MRM1: variants seen among roughly 807,000 people sequenced by gnomAD.
MRM1 encodes the protein rRNA methyltransferase 1, mitochondrial.
A neutral mutation model predicts 25.0 loss-of-function variants in MRM1; 24 were observed. The ratio of observed to expected loss-of-function variants is 0.96; its 90% CI spans 0.69 to 1.35. The LOEUF is 1.35. MRM1 is among the 40% of genes most tolerant of loss of function. MRM1 has a pLI of 0.00. For synonymous variants in MRM1, 188 were observed against 199.2 expected (o/e 0.94, Z 0.47); for missense variants, 431 against 464.1 (o/e 0.93, Z 0.65).
chr17:36,630,830 C>T, the MRM1 span, among the ~76,000 whole-genome samples: 3 of 152,090 alleles, frequency 2.0e-5, no homozygotes, highest in Non-Finnish European at 4.4e-5. Flanking sequence ...ATTTGGTTAA[C>T]AAATGTTCCA....
At position 36,608,447 on chromosome 17, in the gene MRM1, G is replaced by C. The variant is rs769102791; in HGVS notation, c.*32G>C. 7.0e-7 allele frequency: 1 copy of C among 1,435,700 alleles called. No homozygotes were observed. The highest frequency in any genetic ancestry group is 9.2e-7 in the Non-Finnish European group (1 of 1,088,806). The allele number at this position is 1,435,700 out of a possible 1,614,324, so 88.9% of individuals were successfully genotyped here. A position where few individuals can be genotyped will look rare whatever the true frequency, so the allele number is the denominator to read the frequency against. ...CTGTCCACAGTGTTCATGTGCTGGA[G>C]TCAGGGACGGCCGCACCTGCCTCCG... On this transcript the variant is annotated 3_prime_UTR_variant, in exon 5 of 5. Transcript: ENST00000614766.
chr17:36,608,002 C>G lies in MRM1; in HGVS notation c.873C>G (p.Asn291Lys). ...TGCCTCCTGGACTTGAGTCCTTGAA[C>G]GTCTCTGTGGCTGCAGGTGAGTCTA... ...RQLPPGLESL[N>K]VSVAAGILLH... Residue 291 changes from asparagine to lysine, a missense_variant, in exon 4 of 5, where the codon AAC becomes AAG. Asn to Lys is a moderately conservative substitution (Grantham distance 94). Coordinates refer to ENST00000614766, the MANE Select transcript of MRM1 (RefSeq NM_024864.5). 1 of 1,614,126 alleles carries G rather than the reference C, an allele frequency of 6.2e-7. No individual in the cohort carries two copies. The highest frequency in any genetic ancestry group is 8.5e-7 in the Non-Finnish European group (1 of 1,180,026).
At chr17:36,611,556 T>C (rs1355391151), downstream of MRM1, among the ~76,000 whole-genome samples, 2 of 152,202 alleles carry the variant, frequency 1.3e-5, no homozygotes, top group African/African-American at 2.4e-5. Context: ...CCCAGATGTT[T>C]GGTCAAACAT....
At position 36,601,804 on chromosome 17, in the gene MRM1, C is replaced by G. The variant is rs201847552; in HGVS notation, c.-7C>G. ...AGGGGCATCGAGTCCCTGGCGGGAG[C>G]TGCGCCATGGCATTGCTCTCGACCG... On this transcript the variant is annotated 5_prime_UTR_variant, in exon 1 of 5. Coordinates refer to ENST00000614766, the MANE Select transcript of MRM1 (RefSeq NM_024864.5). 6.5e-7 allele frequency: 1 copy of G among 1,529,332 alleles called. No individual in the cohort carries two copies. The highest frequency in any genetic ancestry group is 8.8e-7 in the Non-Finnish European group (1 of 1,140,292). The allele number at this position is 1,529,332 out of a possible 1,614,324, so 94.7% of individuals were successfully genotyped here.
chr17:36,614,081 C>G, the MRM1 span, among the ~76,000 whole-genome samples: 1 of 151,564 alleles, frequency 6.6e-6, no homozygotes, highest in Non-Finnish European at 1.5e-5. Flanking sequence ...GCGATGATGA[C>G]GATGACAATG....
At chr17:36,619,573 CAGG>C in the MRM1 span, among the ~76,000 whole-genome samples, 6 of 151,886 alleles carry the variant, frequency 4.0e-5, no homozygotes, top group Non-Finnish European at 7.4e-5. Flanking sequence ...AAAGCTGAGG[CAGG>C]AGAATTGCTT....
chr17:36,613,592 T>G (rs2074989937), downstream of MRM1, among the ~76,000 whole-genome samples: 1 of 152,094 alleles, frequency 6.6e-6, no homozygotes, highest in African/African-American at 2.4e-5. Flanking sequence ...TTCCCCGAGC[T>G]TCCTGGCCCC....
In MRM1 at chr17:36,608,232, T is replaced by C; in HGVS notation, c.890-11T>C. 6.4e-7 allele frequency: 1 copy of C among 1,553,142 alleles called. No individual in the cohort carries two copies. The highest frequency in any genetic ancestry group is 8.7e-7 in the Non-Finnish European group (1 of 1,148,588). ...TCCGTCCTCTCTTCCCTTGTCCTTGTGTCTGTGCAGGAATTCTTCTTCACT... is the reference window on the plus strand; with the variant it reads ...TCCGTCCTCTCTTCCCTTGTCCTTGCGTCTGTGCAGGAATTCTTCTTCACT... On this transcript the variant is annotated splice_polypyrimidine_tract_variant and intron_variant, in intron 4 of 4. Transcript: ENST00000614766.
At chr17:36,618,053 A>G in the MRM1 span, among the ~76,000 whole-genome samples, 1 of 152,078 alleles carries the variant, frequency 6.6e-6, no homozygotes, top group Non-Finnish European at 1.5e-5. Flanking sequence ...GTCCCAGTGG[A>G]GCAGCAGCTG....
chr17:36,632,676 G>A, the MRM1 span, among the ~76,000 whole-genome samples: 5 of 152,328 alleles, frequency 3.3e-5, no homozygotes, highest in Middle Eastern at 3.4e-3. Context: ...GGATCATGGA[G>A]AGGATGCCAT....
rs151116337 is a variant in MRM1, at chr17:36,607,685, G to A, written c.652G>A (p.Gly218Ser). The A allele has an allele frequency of 6.2e-7, 1 of 1,613,988 alleles. No homozygotes were observed. Among genetic ancestry groups the A allele is most frequent in the Admixed American group, 1.7e-5 (1 of 60,002 alleles). Residue 218 changes from glycine (G) to serine (S), a missense_variant, in exon 3 of 5, where the codon GGC becomes AGC. Physicochemically the swap from Gly to Ser is moderately conservative, Grantham distance 56. Coordinates refer to ENST00000614766, the MANE Select transcript of MRM1 (RefSeq NM_024864.5). Reference protein sequence around the residue: ...TGFLQTKAQQGWLVAGTVGCP... With the variant: ...TGFLQTKAQQSWLVAGTVGCP... Reference sequence around the variant, plus strand: ...CCCCTTTCAGACCAAAGCCCAGCAGGGCTGGCTCGTGGCCGGCACGGTGGG... The same window carrying A: ...CCCCTTTCAGACCAAAGCCCAGCAGAGCTGGCTCGTGGCCGGCACGGTGGG...
At chr17:36,633,222 C>T in the MRM1 span, among the ~76,000 whole-genome samples, 1 of 152,140 alleles carries the variant, frequency 6.6e-6, no homozygotes, top group African/African-American at 2.4e-5. Flanking sequence ...CAGGTCGTCA[C>T]TTTGCCTCCT....
chr17:36,631,846 C>G, the MRM1 span, among the ~76,000 whole-genome samples: 1 of 152,148 alleles, frequency 6.6e-6, no homozygotes, highest in Non-Finnish European at 1.5e-5. Flanking sequence ...CAACCCTTCC[C>G]CCTACCTCAA....
chr17:36,633,239 C>T, the MRM1 span, among the ~76,000 whole-genome samples: 1 of 152,156 alleles, frequency 6.6e-6, no homozygotes, highest in African/African-American at 2.4e-5. Context: ...TCCTTAACCC[C>T]ACTCCCACTC....
At chr17:36,613,154 C>T (rs2074986720), downstream of MRM1, among the ~76,000 whole-genome samples, 2 of 152,114 alleles carry the variant, frequency 1.3e-5, no homozygotes, top group South Asian at 4.1e-4. Context: ...ATCCCTGCTG[C>T]AGGCCTGGAA....
intron 2 of MRM1, among the ~76,000 whole-genome samples, chr17:36,603,695 G>T (rs1028886974): frequency 2.4e-4 from 36 of 152,094 alleles, no homozygotes; most frequent in African/African-American, 8.2e-4. Flanking sequence ...CACCGCACCT[G>T]GCCTTTAAAA....
rs145987678 is a variant in MRM1, at chr17:36,602,104, A to G, written c.294A>G (p.Pro98=). 7.9e-4 allele frequency: 1,266 copies of G among 1,611,694 alleles called. 1 individual carries two copies. Among genetic ancestry groups the G allele is most frequent in the Admixed American group, 1.2e-3 (72 of 60,022 alleles). ...GGATGGCCGAGGCGCGGGACATTCC[A>G]GTTCTGCGGCCCAGACGGCAGAAAC... The part of the protein sequence containing the change: ...LLRMAEARDI[P]VLRPRRQKLD... Residue 98 remains proline (P), a synonymous_variant, in exon 1 of 5, where the codon CCA becomes CCG. Transcript: ENST00000614766. This position sits in a 1 kb window ranked among gnomAD's most constrained non-coding sequence, Gnocchi z 4.1.
chr17:36,628,130 A>G, the MRM1 span, among the ~76,000 whole-genome samples: 3 of 152,310 alleles, frequency 2.0e-5, no homozygotes, highest in East Asian at 5.8e-4. Context: ...AGGAGCTTCA[A>G]TACCATTTTA....
At chr17:36,613,054 G>T (rs2074986164), downstream of MRM1, among the ~76,000 whole-genome samples, 1 of 152,152 alleles carries the variant, frequency 6.6e-6, no homozygotes, top group Non-Finnish European at 1.5e-5. Flanking sequence ...AGGGCTCCAA[G>T]ATCCTGAGAT....
Sources: gnomAD v4.1 joint callset for allele counts (sites outside exome capture counted in the v4.1 genomes callset) on GRCh38, gnomAD v4.1.1 for gene constraint, Gnocchi (gnomAD v3.1) non-coding constraint, MANE v1.5 for transcripts, NCBI Gene and HGNC (gene_info 2026-07-23, HGNC 2026-07-21) for gene names.